UBE2J2: variants seen among roughly 807,000 people sequenced by gnomAD.
UBE2J2 encodes ubiquitin-conjugating enzyme E2 J2.
Under a neutral mutation model 28.6 loss-of-function variants are expected in UBE2J2, and 5 were observed. That is an observed-to-expected ratio of 0.17 (90% CI 0.09 to 0.37). UBE2J2 has a LOEUF of 0.37. UBE2J2 is among the 10% of genes least tolerant of loss of function. The probability of loss-of-function intolerance (pLI) is 1.00; values close to 1 mark genes in which losing one functional copy is unlikely to be tolerated. For synonymous variants in UBE2J2, 138 were observed against 139.7 expected, an observed-to-expected ratio of 0.99 and a Z score of 0.09; for missense variants, 226 against 338.9, an observed-to-expected ratio of 0.67 and a Z score of 2.62.
At chr1:1,263,296 G>A (rs778497018) in intron 3 of UBE2J2, 50 bp downstream of exon 3, 2 of 1,529,024 alleles carry the variant, frequency 1.3e-6, no homozygotes, top group Admixed American at 1.7e-5. Context: ...AAGGCTGACT[G>A]AGAATATAAA....
chr1:1,267,631 C>A, intron 2 of UBE2J2: 2 of 1,165,960 alleles, frequency 1.7e-6, no homozygotes, highest in Non-Finnish European at 2.3e-6. Flanking sequence ...GAGATTCTCT[C>A]CAGCCCCAGC....
chr1:1,258,334 C>A (rs1000683306), intron 3 of UBE2J2, among the ~76,000 whole-genome samples: 3 of 152,210 alleles, frequency 2.0e-5, no homozygotes, highest in African/African-American at 7.2e-5. Context: ...AGCCACCTCC[C>A]CCAGCCATAC....
intron 1 of UBE2J2, chr1:1,273,138 A>C (rs2100274514): frequency 6.6e-6 from 1 of 152,248 alleles, no homozygotes; most frequent in East Asian, 1.9e-4. Context: ...GTGGATGGCG[A>C]GGCCCGGCGC....
chr1:1,270,116 C>T (rs1478860573), intron 1 of UBE2J2, among the ~76,000 whole-genome samples: 1 of 152,178 alleles, frequency 6.6e-6, no homozygotes, highest in African/African-American at 2.4e-5. Context: ...CATGCCTCTT[C>T]CCCTTCCGCC....
Position 1,255,455 on chromosome 1 carries a change from T to A in UBE2J2, c.528A>T (p.Glu176Asp). ...GGAGAGTCTGGGGTCTGCTACTGAG[T>A]TCGTCTTGTGCTTTCTGTTTTTGTT... ...EIKQKQKAQD[E>D]LSSRPQTLPL... Residue 176 changes from glutamate to aspartate, a missense_variant, in exon 7 of 7, where the codon GAA becomes GAT. Transcript: ENST00000349431. The A allele has an allele frequency of 1.9e-6, 3 of 1,613,040 alleles. No homozygotes were observed. The highest frequency in any genetic ancestry group is 2.5e-6 in the Non-Finnish European group (3 of 1,179,406).
chr1:1,272,732 G>A (rs780875696), intron 1 of UBE2J2: 6 of 172,352 alleles, frequency 3.5e-5, no homozygotes, highest in African/African-American at 8.2e-5. Flanking sequence ...CATCCCTGCC[G>A]AGAGTGGAAC....
chr1:1,266,156 TGG>T (rs1464761645), intron 2 of UBE2J2: 2 of 1,303,540 alleles, frequency 1.5e-6, no homozygotes, highest in South Asian at 2.5e-5. Context: ...GAGAGCACTC[TGG>T]TGGCCAAGGG....
At chr1:1,260,246 G>A (rs1570550894) in intron 3 of UBE2J2, among the ~76,000 whole-genome samples, 1 of 152,242 alleles carries the variant, frequency 6.6e-6, no homozygotes, top group Non-Finnish European at 1.5e-5. Context: ...AGACACAAGA[G>A]ATCATAAGGA....
intron 5 of UBE2J2, chr1:1,256,445 C>A: frequency 3.3e-6 from 1 of 300,464 alleles, no homozygotes; most frequent in Non-Finnish European, 6.3e-6. Flanking sequence ...CAAGGAGGAG[C>A]CCCTGGCGGG....
chr1:1,257,645 CA>C (rs1639283712), intron 3 of UBE2J2, among the ~76,000 whole-genome samples: 1 of 151,528 alleles, frequency 6.6e-6, no homozygotes, highest in Non-Finnish European at 1.5e-5. Context: ...CACACACCCC[CA>C]CCAGGAGCAG....
Position 1,255,463 on chromosome 1 carries a change from G to C in UBE2J2, c.520C>G (p.Gln174Glu). The change falls in exon 7 of 7, where the codon CAA becomes GAA. Residue 174 changes from glutamine to glutamate, a missense_variant. This residue lies in a region of UBE2J2 where 133 missense variants were observed against 161.5 expected (regional missense o/e 0.82). Transcript: ENST00000349431. ...TGGGGTCTGCTACTGAGTTCGTCTT[G>C]TGCTTTCTGTTTTTGTTTAATCTCC... ...VEEIKQKQKA[Q>E]DELSSRPQTL... The C allele has an allele frequency of 6.2e-7, 1 of 1,610,756 alleles. No individual in the cohort carries two copies. Among genetic ancestry groups the C allele is most frequent in the Non-Finnish European group, 8.5e-7 (1 of 1,177,576 alleles).
At chr1:1,259,237 T>C (rs1049471174) in intron 3 of UBE2J2, among the ~76,000 whole-genome samples, 5 of 151,430 alleles carry the variant, frequency 3.3e-5, no homozygotes, top group Non-Finnish European at 4.4e-5. Context: ...TGTATGTGCG[T>C]GTCTGCATGC....
chr1:1,269,370 A>C (rs1270727772), intron 1 of UBE2J2, among the ~76,000 whole-genome samples: 1 of 151,970 alleles, frequency 6.6e-6, no homozygotes, highest in Non-Finnish European at 1.5e-5. Context: ...AGGGACCCCA[A>C]GGCCCCTCAG....
chr1:1,256,278 T>C, intron 5 of UBE2J2, 153 bp from the exon 6 acceptor site: 1 of 583,950 alleles, frequency 1.7e-6, no homozygotes, highest in Non-Finnish European at 3.0e-6. Context: ...CTTATAGTCT[T>C]ACAAAGCCTT....
chr1:1,262,611 C>G (rs889656553), intron 3 of UBE2J2, among the ~76,000 whole-genome samples: 7 of 152,236 alleles, frequency 4.6e-5, no homozygotes, highest in Non-Finnish European at 1.0e-4. Flanking sequence ...GAAGCCGGGG[C>G]CCTGTGGCTG....
At chr1:1,266,484 C>T (rs1639869063) in intron 2 of UBE2J2, among the ~76,000 whole-genome samples, 1 of 151,848 alleles carries the variant, frequency 6.6e-6, no homozygotes, top group South Asian at 2.1e-4. Flanking sequence ...CGAGATCACG[C>T]CATTGCACTC....
Position 1,269,851 on chromosome 1 carries a change from T to A in UBE2J2, c.1-1859A>T, listed in dbSNP as rs61766184. Among the ~76,000 whole-genome samples, 1,187 of 152,270 alleles carry A rather than the reference T, an allele frequency of 7.8e-3. 12 individuals carry two copies. The highest frequency in any genetic ancestry group is 0.014 in the Non-Finnish European group (927 of 68,020). On this transcript the variant is annotated intron_variant, in intron 1 of 6. Transcript: ENST00000349431. Reference sequence around the variant, plus strand: ...GTGATCTCCATCCTGACCTCCCAGTTCCCACAAACCGGAAGTCTACTCTAC... The same window carrying A: ...GTGATCTCCATCCTGACCTCCCAGTACCCACAAACCGGAAGTCTACTCTAC...
intron 3 of UBE2J2, among the ~76,000 whole-genome samples, chr1:1,261,360 A>ACGGAAG (rs907714580): frequency 3.3e-5 from 5 of 152,216 alleles, no homozygotes; most frequent in African/African-American, 1.2e-4. Flanking sequence ...GTGGGGAACA[A>ACGGAAG]CGGAAGCGAT....
intron 3 of UBE2J2, among the ~76,000 whole-genome samples, chr1:1,261,696 G>A (rs1254374095): frequency 6.8e-6 from 1 of 146,580 alleles, no homozygotes; most frequent in Non-Finnish European, 1.5e-5. Context: ...TTGTCACCCA[G>A]GGTGGAGTGC....
Sources: gnomAD v4.1 joint callset for allele counts (sites outside exome capture counted in the v4.1 genomes callset) on GRCh38, gnomAD v4.1.1 for gene constraint, gnomAD v4.1.1 regional missense constraint, MANE v1.5 for transcripts, NCBI Gene and HGNC (gene_info 2026-07-23, HGNC 2026-07-21) for gene names.